The following ADAMTS19 variants were observed in gnomAD, a reference collection of about 807,000 sequenced individuals.
ADAMTS19 encodes the protein A disintegrin and metalloproteinase with thrombospondin motifs 19.
Under a neutral mutation model 153.3 loss-of-function variants are expected in ADAMTS19, and 93 were observed. That is an observed-to-expected ratio of 0.61 (90% CI 0.51 to 0.72). ADAMTS19 has a LOEUF of 0.72. ADAMTS19 is among the 30% of genes least tolerant of loss of function. The probability of loss-of-function intolerance (pLI) is 0.00; values close to 1 mark genes in which losing one functional copy is unlikely to be tolerated. For synonymous variants in ADAMTS19, 600 were observed against 556.6 expected, an observed-to-expected ratio of 1.08 and a Z score of -1.10; for missense variants, 1,482 against 1,552.1, an observed-to-expected ratio of 0.95 and a Z score of 0.76.
At chr5:129,692,875 C>G (rs1227825449) in intron 18 of ADAMTS19, among the ~76,000 whole-genome samples, 1 of 152,164 alleles carries the variant, frequency 6.6e-6, no homozygotes, top group African/African-American at 2.4e-5. Context: ...AGGCACACCT[C>G]ATTCCACTCA....
chr5:129,733,400 C>A (rs1315008597), intron 21 of ADAMTS19, among the ~76,000 whole-genome samples: 1 of 151,940 alleles, frequency 6.6e-6, no homozygotes. Flanking sequence ...TATTTTCAAA[C>A]TATGCATCTG....
intron 21 of ADAMTS19, among the ~76,000 whole-genome samples, chr5:129,728,410 G>A (rs562584165): frequency 3.9e-5 from 6 of 151,956 alleles, no homozygotes; most frequent in South Asian, 2.1e-4. Context: ...TGTACACAAC[G>A]TGCAGGTTTG....
intron 13 of ADAMTS19, among the ~76,000 whole-genome samples, chr5:129,650,554 G>A (rs150952395): frequency 7.2e-4 from 109 of 152,174 alleles, no homozygotes; most frequent in African/African-American, 2.6e-3. Context: ...TTAGCCTAAC[G>A]TAGGATACTT....
At chr5:129,650,834 C>A (rs1753286735) in intron 13 of ADAMTS19, among the ~76,000 whole-genome samples, 1 of 152,136 alleles carries the variant, frequency 6.6e-6, no homozygotes, top group South Asian at 2.1e-4. Flanking sequence ...CTCCTCACAA[C>A]CACCCTTCTC....
At chr5:129,712,214 C>G (rs1463895086) in intron 21 of ADAMTS19, among the ~76,000 whole-genome samples, 1 of 151,870 alleles carries the variant, frequency 6.6e-6, no homozygotes, top group East Asian at 1.9e-4. Context: ...AACAGCTATC[C>G]CCTAAAATAG....
At chr5:129,577,839 A>G (rs1031252404) in intron 7 of ADAMTS19, among the ~76,000 whole-genome samples, 1 of 151,930 alleles carries the variant, frequency 6.6e-6, no homozygotes, top group African/African-American at 2.4e-5. Context: ...ATTTATTTTG[A>G]TGCTGGTAAT....
intron 18 of ADAMTS19, among the ~76,000 whole-genome samples, chr5:129,688,466 C>T (rs1321157447): frequency 4.6e-5 from 7 of 151,786 alleles, no homozygotes; most frequent in Non-Finnish European, 1.0e-4. Context: ...TAATTTTTAT[C>T]ATAATTATAT....
chr5:129,484,972 G>A (rs1487942100), intron 2 of ADAMTS19, among the ~76,000 whole-genome samples: 1 of 151,932 alleles, frequency 6.6e-6, no homozygotes, highest in Non-Finnish European at 1.5e-5. Context: ...CAAGCAAACA[G>A]AAACTCAAAA....
intron 6 of ADAMTS19, among the ~76,000 whole-genome samples, chr5:129,544,545 A>G (rs1752784770): frequency 6.6e-6 from 1 of 152,214 alleles, no homozygotes; most frequent in Admixed American, 6.5e-5. Context: ...TGTTCCCATT[A>G]TGAACATCTA....
chr5:129,535,448 G>T (rs998122750), intron 6 of ADAMTS19, among the ~76,000 whole-genome samples: 4 of 152,124 alleles, frequency 2.6e-5, no homozygotes, highest in African/African-American at 9.7e-5. Context: ...CATGCTTATG[G>T]GTAGGAAGAA....
In ADAMTS19 at chr5:129,546,130, G is replaced by T. The variant is rs1320728729; in HGVS notation, c.1329-5734G>T. Among the ~76,000 whole-genome samples, 16 of 148,192 alleles carry T rather than the reference G, an allele frequency of 1.1e-4. 1 individual carries two copies. The highest frequency in any genetic ancestry group is 3.6e-4 in the African/African-American group (14 of 38,620). ...AAATCATCATTCTCAGTAAACTATC[G>T]CAAGAACAAAAAACCAAACACCGCA... On this transcript the variant is annotated intron_variant, in intron 6 of 22. Transcript: ENST00000274487.
At chr5:129,626,634 ATAGG>A (rs1296978509) in intron 10 of ADAMTS19, among the ~76,000 whole-genome samples, 3 of 152,076 alleles carry the variant, frequency 2.0e-5, no homozygotes, top group Non-Finnish European at 2.9e-5. Context: ...TAGACGATAG[ATAGG>A]TAGCTAGAAC....
intron 6 of ADAMTS19, among the ~76,000 whole-genome samples, chr5:129,534,133 C>T (rs1018712730): frequency 3.9e-5 from 6 of 151,992 alleles, no homozygotes; most frequent in Non-Finnish European, 7.4e-5. Context: ...GAGCTGAGTC[C>T]AATTCCTGGA....
intron 18 of ADAMTS19, among the ~76,000 whole-genome samples, chr5:129,693,548 A>G (rs1399482551): frequency 6.6e-6 from 1 of 152,232 alleles, no homozygotes; most frequent in Non-Finnish European, 1.5e-5. Context: ...GTGTCAAACA[A>G]TGGATTAAAT....
chr5:129,661,078 C>A (rs772316738), intron 15 of ADAMTS19, among the ~76,000 whole-genome samples: 1 of 152,158 alleles, frequency 6.6e-6, no homozygotes, highest in Non-Finnish European at 1.5e-5. Flanking sequence ...GTTCAAATAT[C>A]ATTTCTTTAA....
chr5:129,518,592 T>C (rs1223731966), intron 3 of ADAMTS19, among the ~76,000 whole-genome samples: 3 of 152,152 alleles, frequency 2.0e-5, no homozygotes, highest in Non-Finnish European at 4.4e-5. Context: ...TTTGTTTCTT[T>C]TCTCTTGCTG....
intron 17 of ADAMTS19, among the ~76,000 whole-genome samples, chr5:129,680,930 A>T (rs1472473706): frequency 6.6e-6 from 1 of 152,176 alleles, no homozygotes; most frequent in Non-Finnish European, 1.5e-5. Flanking sequence ...GACTGACTAC[A>T]CAGCTGGTGT....
At chr5:129,717,319 A>T (rs1212480848) in intron 21 of ADAMTS19, among the ~76,000 whole-genome samples, 2 of 152,112 alleles carry the variant, frequency 1.3e-5, no homozygotes, top group African/African-American at 4.8e-5. Flanking sequence ...TTATTTTAAA[A>T]TTTTTGGGGG....
intron 6 of ADAMTS19, among the ~76,000 whole-genome samples, chr5:129,531,996 T>C (rs1011823114): frequency 2.6e-5 from 4 of 152,118 alleles, no homozygotes; most frequent in African/African-American, 9.7e-5. Flanking sequence ...CAGTCCTATT[T>C]AACATGTGTA....
Sources: gnomAD v4.1 joint callset for allele counts (sites outside exome capture counted in the v4.1 genomes callset) on GRCh38, gnomAD v4.1.1 for gene constraint, MANE v1.5 for transcripts, NCBI Gene and HGNC (gene_info 2026-07-23, HGNC 2026-07-21) for gene names.